EYS: variants seen among roughly 807,000 people sequenced by gnomAD.
EYS encodes the protein protein eyes shut homolog.
A neutral mutation model predicts 282.1 loss-of-function variants in EYS; 250 were observed. The ratio of observed to expected loss-of-function variants is 0.89; its 90% confidence interval spans 0.80 to 0.98. The LOEUF (loss-of-function observed/expected upper bound fraction) is 0.98. EYS is among the 50% of genes least tolerant of loss of function. The probability of loss-of-function intolerance (pLI) is 0.00; values close to 1 mark genes in which losing one functional copy is unlikely to be tolerated. For missense variants in EYS, 4,016 were observed against 3,709.0 expected, an observed-to-expected ratio of 1.08 and a Z score of -2.15; for synonymous variants, 1,355 against 1,282.9, an observed-to-expected ratio of 1.06 and a Z score of -1.20.
intron 31 of EYS, among the ~76,000 whole-genome samples, chr6:64,092,895 T>C (rs568989581): frequency 6.6e-6 from 1 of 151,680 alleles, no homozygotes; most frequent in African/African-American, 2.4e-5. Flanking sequence ...AGGTCTAACA[T>C]TTAAGTCTTT....
intron 11 of EYS, among the ~76,000 whole-genome samples, chr6:65,299,413 CA>C (rs371637453): frequency 1.3e-5 from 2 of 151,902 alleles, no homozygotes; most frequent in South Asian, 2.1e-4. Context: ...TGACCCCCCC[CA>C]AAAAACAACT....
At chr6:64,626,760 A>C (rs1348077774) in intron 22 of EYS, among the ~76,000 whole-genome samples, 1 of 152,168 alleles carries the variant, frequency 6.6e-6, no homozygotes, top group Non-Finnish European at 1.5e-5. Context: ...TGAACAAATA[A>C]ATTTCTGTTA....
chr6:65,213,649 T>G (rs1427303683), intron 12 of EYS, among the ~76,000 whole-genome samples: 2 of 152,194 alleles, frequency 1.3e-5, no homozygotes, highest in Non-Finnish European at 2.9e-5. Context: ...GTCAGATAAC[T>G]TAATTGCTAA....
At chr6:65,577,919 A>C (rs1554212752) in intron 2 of EYS, among the ~76,000 whole-genome samples, 2 of 151,912 alleles carry the variant, frequency 1.3e-5, no homozygotes, top group Non-Finnish European at 2.9e-5. Flanking sequence ...TTATTATAAA[A>C]AGAGGAAAGA....
chr6:64,920,540 A>C (rs1342173516), intron 15 of EYS, among the ~76,000 whole-genome samples: 1 of 152,094 alleles, frequency 6.6e-6, no homozygotes, highest in East Asian at 1.9e-4. Flanking sequence ...AGTCCAAGTA[A>C]GTCTGCTTTT....
At position 65,262,458 on chromosome 6, in the gene EYS, G is replaced by T. The variant is rs1767646210; in HGVS notation, c.2023+33405C>A. ...AGAAACACGTTAACTCATTCACTTA[G>T]AAAATGACATTTTGTTACTCGAGAG... On this transcript the variant is annotated intron_variant, in intron 12 of 42. Coordinates refer to ENST00000503581, the MANE Select transcript of EYS (RefSeq NM_001142800.2). 2.0e-5 allele frequency among the ~76,000 whole-genome samples: 3 copies of T among 152,022 alleles called. No individual in the cohort carries two copies. The South Asian group carries it at 6.2e-4, about 32-fold the overall frequency.
chr6:64,077,144 T>C (rs1205316846), intron 32 of EYS, among the ~76,000 whole-genome samples: 2 of 152,020 alleles, frequency 1.3e-5, no homozygotes, highest in Admixed American at 1.3e-4. Flanking sequence ...ATATCTGTCT[T>C]GAGCTAGCTC....
rs1295729949 is a variant in EYS, at chr6:64,968,704, C to A, written c.2260-22790G>T. 2.0e-5 allele frequency among the ~76,000 whole-genome samples: 3 copies of A among 152,120 alleles called. No individual in the cohort carries two copies. The East Asian group carries it at 5.8e-4, about 29-fold the overall frequency. On this transcript the variant is annotated intron_variant, in intron 14 of 42. Transcript: ENST00000503581. ...GTTTATTTTCTTTACTAGTCAATAG[C>A]CCCATTGGCTGTTTTTGTGGTTGCC...
At chr6:65,334,308 C>G (rs1233606553) in intron 11 of EYS, among the ~76,000 whole-genome samples, 1 of 151,794 alleles carries the variant, frequency 6.6e-6, no homozygotes, top group Non-Finnish European at 1.5e-5. Flanking sequence ...GTTGCCCAGG[C>G]TGGAGTGCAG....
chr6:64,623,325 T>C (rs1390262283), intron 23 of EYS, among the ~76,000 whole-genome samples: 2 of 152,154 alleles, frequency 1.3e-5, no homozygotes, highest in East Asian at 3.9e-4. Context: ...ATATGAGAAA[T>C]GATGAATGCA....
intron 35 of EYS, among the ~76,000 whole-genome samples, chr6:63,931,124 G>A (rs1414982069): frequency 6.6e-6 from 1 of 152,170 alleles, no homozygotes; most frequent in Non-Finnish European, 1.5e-5. Flanking sequence ...TTCTTTTAAA[G>A]AGGAAACACT....
At chr6:63,994,588 G>C (rs1334853145) in intron 34 of EYS, among the ~76,000 whole-genome samples, 1 of 151,768 alleles carries the variant, frequency 6.6e-6, no homozygotes, top group Non-Finnish European at 1.5e-5. Context: ...AAAGAATGAA[G>C]ACAAATTCAC....
At chr6:64,549,991 G>T (rs925044115) in intron 26 of EYS, among the ~76,000 whole-genome samples, 3 of 151,998 alleles carry the variant, frequency 2.0e-5, no homozygotes, top group Non-Finnish European at 2.9e-5. Flanking sequence ...GCGGTGTTTG[G>T]TTTTTTGTCC....
chr6:63,891,313 T>G (rs190307861), intron 35 of EYS, among the ~76,000 whole-genome samples: 1 of 152,160 alleles, frequency 6.6e-6, no homozygotes, highest in Non-Finnish European at 1.5e-5. Context: ...ATATCCCTGA[T>G]GAACATCGAT....
chr6:65,147,208 C>G (rs561081858), intron 12 of EYS, among the ~76,000 whole-genome samples: 4 of 151,982 alleles, frequency 2.6e-5, no homozygotes, highest in African/African-American at 9.6e-5. Flanking sequence ...ACTCTGTAGC[C>G]AAGCACATGA....
At chr6:64,283,588 A>T (rs1398863444) in intron 30 of EYS, among the ~76,000 whole-genome samples, 2 of 152,210 alleles carry the variant, frequency 1.3e-5, no homozygotes, top group Non-Finnish European at 2.9e-5. Context: ...CTAGTCTATT[A>T]GAAGTAACTC....
chr6:64,327,857 G>A (rs1770489002), intron 29 of EYS, among the ~76,000 whole-genome samples: 1 of 152,106 alleles, frequency 6.6e-6, no homozygotes, highest in Admixed American at 6.6e-5. Context: ...GCCCCCAGAG[G>A]TTCAGATTCA....
intron 11 of EYS, among the ~76,000 whole-genome samples, chr6:65,313,461 C>T (rs1353766105): frequency 6.6e-6 from 1 of 151,614 alleles, no homozygotes; most frequent in Non-Finnish European, 1.5e-5. Flanking sequence ...ACTGTGATCA[C>T]AGCTGAGCTC....
At chr6:65,028,144 A>G (rs140417614) in intron 13 of EYS, among the ~76,000 whole-genome samples, 43 of 152,188 alleles carry the variant, frequency 2.8e-4, no homozygotes, top group African/African-American at 1.0e-3. Flanking sequence ...GAGTATTAAG[A>G]TCAATTTCTG....
Sources: gnomAD v4.1 joint callset for allele counts (sites outside exome capture counted in the v4.1 genomes callset) on GRCh38, gnomAD v4.1.1 for gene constraint, MANE v1.5 for transcripts, NCBI Gene and HGNC (gene_info 2026-07-23, HGNC 2026-07-21) for gene names.